The following GALNTL6 variants were observed in gnomAD, a reference collection of about 807,000 sequenced individuals.
GALNTL6 encodes polypeptide N-acetylgalactosaminyltransferase-like 6.
A neutral mutation model predicts 73.7 loss-of-function variants in GALNTL6; 46 were observed. The observed-to-expected ratio is 0.62, with a 90% CI of 0.49 to 0.80. GALNTL6 has a LOEUF of 0.80. GALNTL6 is among the 30% of genes least tolerant of loss of function. The pLI, the probability that GALNTL6 is intolerant of heterozygous loss-of-function variation, is 0.00. For missense variants in GALNTL6, 604 were observed against 755.0 expected (o/e 0.80, Z 2.34); for synonymous variants, 259 against 263.7 (o/e 0.98, Z 0.17).
chr4:172,976,063 C>T (rs1332013975), intron 10 of GALNTL6, among the ~76,000 whole-genome samples: 3 of 152,146 alleles, frequency 2.0e-5, no homozygotes, highest in Admixed American at 2.0e-4. Flanking sequence ...CACCAGCTCC[C>T]TGGAGTGCCC....
chr4:172,822,490 A>G (rs1409396452), intron 7 of GALNTL6, among the ~76,000 whole-genome samples: 1 of 152,140 alleles, frequency 6.6e-6, no homozygotes, highest in Non-Finnish European at 1.5e-5. Context: ...GCTCTTCTCT[A>G]CCCAAACCTT....
At chr4:172,787,187 A>C (rs151093810) in intron 5 of GALNTL6, among the ~76,000 whole-genome samples, 6 of 152,356 alleles carry the variant, frequency 3.9e-5, no homozygotes, top group African/African-American at 1.4e-4. Context: ...GGTGGGGAGA[A>C]GTGCAGATTT....
At chr4:172,872,779 A>G (rs1169771475) in intron 7 of GALNTL6, among the ~76,000 whole-genome samples, 2 of 152,158 alleles carry the variant, frequency 1.3e-5, no homozygotes, top group Admixed American at 6.5e-5. Context: ...TGCTTTTGTT[A>G]CACCTGCATT....
chr4:172,149,768 A>T (rs190064252), intron 2 of GALNTL6, among the ~76,000 whole-genome samples: 287 of 152,340 alleles, frequency 1.9e-3, no homozygotes, highest in Middle Eastern at 6.8e-3. Context: ...ACAGATCACC[A>T]GCAAACACTT....
intron 5 of GALNTL6, among the ~76,000 whole-genome samples, chr4:172,374,790 C>G (rs547191426): frequency 4.7e-4 from 72 of 152,286 alleles, no homozygotes; most frequent in Middle Eastern, 3.4e-3. Flanking sequence ...GCTAAAGCTG[C>G]ATTCTTTTCA....
At chr4:172,799,283 A>G (rs10019400) in intron 5 of GALNTL6, among the ~76,000 whole-genome samples, 127,457 of 152,204 alleles carry the variant, frequency 0.84, 53,422 homozygotes, top group East Asian at 0.94. Flanking sequence ...CTGGAAGCTG[A>G]GAAGTTTTCA....
At chr4:172,959,240 A>T (rs1749916926) in intron 10 of GALNTL6, among the ~76,000 whole-genome samples, 1 of 151,960 alleles carries the variant, frequency 6.6e-6, no homozygotes, top group Non-Finnish European at 1.5e-5. Context: ...CAAGGAGAGG[A>T]TGTGAAGGAG....
At chr4:172,714,897 G>A (rs1358427309) in intron 5 of GALNTL6, among the ~76,000 whole-genome samples, 2 of 151,972 alleles carry the variant, frequency 1.3e-5, no homozygotes, top group Non-Finnish European at 2.9e-5. Flanking sequence ...AAAATTTTGT[G>A]CATTTAAAGG....
chr4:172,558,089 C>G (rs1187760445), intron 5 of GALNTL6, among the ~76,000 whole-genome samples: 3 of 151,908 alleles, frequency 2.0e-5, no homozygotes, highest in Admixed American at 6.6e-5. Context: ...GATGATATAT[C>G]CAGAAACACT....
intron 5 of GALNTL6, among the ~76,000 whole-genome samples, chr4:172,681,274 A>G (rs1293143063): frequency 6.6e-6 from 1 of 152,202 alleles, no homozygotes; most frequent in Non-Finnish European, 1.5e-5. Context: ...TCTTACTCTT[A>G]TTCTTTTCCT....
intron 3 of GALNTL6, among the ~76,000 whole-genome samples, chr4:172,230,878 G>A (rs1028570032): frequency 2.6e-5 from 4 of 152,190 alleles, no homozygotes; most frequent in Non-Finnish European, 5.9e-5. Flanking sequence ...AGGTCCTCTT[G>A]TTCAACTAGA....
At position 173,009,346 on chromosome 4, in the gene GALNTL6, C is replaced by T. The variant is rs370375183; in HGVS notation, c.1488+52C>T. The T allele has an allele frequency of 5.0e-5, 53 of 1,052,196 alleles. No homozygotes were observed. In the African/African-American group the frequency reaches 8.1e-4, roughly 16 times the overall value. The allele number at this position is 1,052,196 out of a possible 1,614,324, so 65.2% of individuals were successfully genotyped here. On this transcript the variant is annotated intron_variant, in intron 11 of 12. Coordinates refer to ENST00000506823, the MANE Select transcript of GALNTL6 (RefSeq NM_001034845.3). ...AGTGGGAACCAGTCGGGGGCTGATGCAGACACAGAGGGATGCAGCTGGAAC... is the reference window on the plus strand; with the variant it reads ...AGTGGGAACCAGTCGGGGGCTGATGTAGACACAGAGGGATGCAGCTGGAAC...
chr4:172,684,138 T>C (rs1051057955), intron 5 of GALNTL6, among the ~76,000 whole-genome samples: 1 of 152,200 alleles, frequency 6.6e-6, no homozygotes, highest in Non-Finnish European at 1.5e-5. Flanking sequence ...CTTAACACCA[T>C]AGTAAAGAAA....
chr4:172,401,467 T>A (rs780748331), intron 5 of GALNTL6, among the ~76,000 whole-genome samples: 2 of 152,170 alleles, frequency 1.3e-5, no homozygotes, highest in Non-Finnish European at 2.9e-5. Context: ...ATAGGTTAAA[T>A]CTCATCTTAT....
intron 5 of GALNTL6, among the ~76,000 whole-genome samples, chr4:172,687,825 T>C (rs1733023464): frequency 6.6e-6 from 1 of 152,090 alleles, no homozygotes; most frequent in Non-Finnish European, 1.5e-5. Context: ...AACAATAAAG[T>C]ATGGGACAGT....
At chr4:172,470,532 G>T (rs1160267096) in intron 5 of GALNTL6, among the ~76,000 whole-genome samples, 1 of 152,042 alleles carries the variant, frequency 6.6e-6, no homozygotes, top group Admixed American at 6.6e-5. Flanking sequence ...TCAACCGAAG[G>T]CCTGAAACCT....
At chr4:171,940,005 T>A (rs1425404348) in intron 2 of GALNTL6, among the ~76,000 whole-genome samples, 2 of 152,156 alleles carry the variant, frequency 1.3e-5, no homozygotes, top group Non-Finnish European at 2.9e-5. Context: ...TGTCTTGGAT[T>A]TGTTTTTTTT....
chr4:171,998,921 G>A (rs1323749989), intron 2 of GALNTL6, among the ~76,000 whole-genome samples: 1 of 152,168 alleles, frequency 6.6e-6, no homozygotes, highest in Non-Finnish European at 1.5e-5. Context: ...GCTATGTCCA[G>A]CCTTTGTCCT....
At chr4:172,184,024 C>T (rs1472528624) in intron 2 of GALNTL6, among the ~76,000 whole-genome samples, 1 of 152,092 alleles carries the variant, frequency 6.6e-6, no homozygotes, top group Admixed American at 6.6e-5. Flanking sequence ...ATCTCCTGAC[C>T]TTGTGATCCA....
Sources: allele counts gnomAD v4.1 joint callset (sites outside exome capture counted in the v4.1 genomes callset), GRCh38; gene constraint gnomAD v4.1.1; transcripts MANE v1.5; gene names NCBI Gene and HGNC (gene_info 2026-07-23, HGNC 2026-07-21).